DUS2: variants seen among roughly 807,000 people sequenced by gnomAD.
DUS2 encodes dihydrouridine synthase 2, also known as tRNA-dihydrouridine(20) synthase [NAD(P)+]-like.
Under a neutral mutation model 71.3 loss-of-function variants are expected in DUS2, and 52 were observed. That is an observed-to-expected ratio of 0.73 (90% CI 0.58 to 0.92). The LOEUF is 0.92. DUS2 is among the 40% of genes least tolerant of loss of function. The probability of loss-of-function intolerance (pLI) is 0.00; values close to 1 mark genes in which losing one functional copy is unlikely to be tolerated. For missense variants in DUS2, 558 were observed against 622.6 expected (o/e 0.90, Z 1.10); for synonymous variants, 204 against 227.8 (o/e 0.90, Z 0.94).
chr16:68,079,061 A>G lies in DUS2; in HGVS notation c.*75A>G. The G allele has an allele frequency of 7.6e-7, 1 of 1,308,520 alleles. No individual in the cohort carries two copies. The highest frequency in any genetic ancestry group is 1.0e-6 in the Non-Finnish European group (1 of 955,108). The allele number at this position is 1,308,520 out of a possible 1,614,324, so 81.1% of individuals were successfully genotyped here. On this transcript the variant is annotated 3_prime_UTR_variant, in exon 17 of 17. Transcript: ENST00000565263. ...CTGTGGATGCCACAGCATGAACCAG[A>G]TGCCGTTGAACAGTTTGCTGGTCTT...
intron 2 of DUS2, among the ~76,000 whole-genome samples, chr16:68,036,896 C>T (rs868047134): frequency 7.3e-5 from 11 of 151,646 alleles, no homozygotes; most frequent in Middle Eastern, 6.8e-3. Context: ...TCTCAGGGGT[C>T]TTCATTGATC....
chr16:68,075,540 C>T (rs1211517076), intron 14 of DUS2, 36 bp downstream of exon 14: 1 of 1,587,060 alleles, frequency 6.3e-7, no homozygotes, highest in African/African-American at 1.3e-5. Flanking sequence ...TGGGCTAGGG[C>T]CAGCACCCTT....
intron 14 of DUS2, among the ~76,000 whole-genome samples, chr16:68,076,256 C>G (rs545639263): frequency 6.6e-6 from 1 of 152,288 alleles, no homozygotes; most frequent in East Asian, 1.9e-4. Flanking sequence ...ATCCCCGAGA[C>G]CATTGTCTGG....
At chr16:68,046,482 G>A (rs555481461) in intron 3 of DUS2, among the ~76,000 whole-genome samples, 1 of 151,944 alleles carries the variant, frequency 6.6e-6, no homozygotes, top group East Asian at 1.9e-4. Flanking sequence ...AGGTTCAAGC[G>A]ATTCTCCTGT....
In DUS2 at chr16:68,034,926, G is replaced by A. The variant is rs538671243; in HGVS notation, c.-18-3080G>A. On this transcript the variant is annotated intron_variant, in intron 2 of 16. Coordinates refer to ENST00000565263, the MANE Select transcript of DUS2 (RefSeq NM_017803.5). Reference sequence around the variant, plus strand: ...TGAGGCAGAAGAATTGCTTGAACCCGGGAGGCAGAGGTTGCAGTGAGCCAA... The same window carrying A: ...TGAGGCAGAAGAATTGCTTGAACCCAGGAGGCAGAGGTTGCAGTGAGCCAA... Among the ~76,000 whole-genome samples the A allele has an allele frequency of 5.1e-4, 78 of 152,208 alleles. No homozygotes were observed. In the South Asian group the frequency reaches 0.012, roughly 23 times the overall value.
intron 2 of DUS2, among the ~76,000 whole-genome samples, chr16:68,029,804 C>G (rs2033411263): frequency 6.6e-6 from 1 of 151,682 alleles, no homozygotes; most frequent in Non-Finnish European, 1.5e-5. Flanking sequence ...AGTTGACTTT[C>G]CAAATTTGAA....
rs1250958448 is a variant in DUS2, at chr16:68,069,871, C to A, written c.555-263C>A. ...CTTGGGAGCCAGGCCACCCACCATG[C>A]CCCCCTGCAGCCAGGCCTCCCCTGC... On this transcript the variant is annotated intron_variant, in intron 10 of 16. Coordinates refer to ENST00000565263, the MANE Select transcript of DUS2 (RefSeq NM_017803.5). 2.0e-5 allele frequency among the ~76,000 whole-genome samples: 3 copies of A among 152,260 alleles called. No homozygotes were observed. In the East Asian group the frequency reaches 5.8e-4, roughly 29 times the overall value.
At chr16:68,030,509 C>T (rs567971778) in intron 2 of DUS2, among the ~76,000 whole-genome samples, 2 of 152,048 alleles carry the variant, frequency 1.3e-5, no homozygotes, top group African/African-American at 2.4e-5. Context: ...GAGAATTGCT[C>T]GAACCTCGGA....
intron 8 of DUS2, among the ~76,000 whole-genome samples, chr16:68,063,289 A>G (rs1018447870): frequency 4.6e-5 from 7 of 152,294 alleles, no homozygotes; most frequent in South Asian, 2.1e-4. Context: ...GCTGGATTCA[A>G]TTCGGGTCCA....
chr16:68,070,333 C>A, intron 11 of DUS2, 113 bp downstream of exon 11: 1 of 928,366 alleles, frequency 1.1e-6, no homozygotes. Flanking sequence ...TTGAAAAGGG[C>A]AGGGCTTTCC....
intron 10 of DUS2, among the ~76,000 whole-genome samples, chr16:68,069,615 C>T (rs1032067845): frequency 1.3e-5 from 2 of 152,164 alleles, no homozygotes; most frequent in African/African-American, 2.4e-5. Context: ...AGCCATGGTC[C>T]GTGCCTTTCC....
At chr16:68,040,144 GCA>G (rs2033601897) in intron 3 of DUS2, among the ~76,000 whole-genome samples, 1 of 151,722 alleles carries the variant, frequency 6.6e-6, no homozygotes, top group Non-Finnish European at 1.5e-5. Context: ...GAGTGCAGTG[GCA>G]CAGTCTTGGC....
intron 10 of DUS2, 78 bp from the exon 11 acceptor site, chr16:68,070,056 T>A: frequency 7.5e-7 from 1 of 1,330,948 alleles, no homozygotes; most frequent in South Asian, 1.2e-5. Context: ...GACAGTAAGG[T>A]TTGGCTGAGG....
chr16:68,042,380 C>T (rs548727152), intron 3 of DUS2, among the ~76,000 whole-genome samples: 21 of 152,232 alleles, frequency 1.4e-4, no homozygotes, highest in African/African-American at 4.8e-4. Flanking sequence ...ATTATATATC[C>T]GGAAGTGGGA....
At position 68,078,526 on chromosome 16, in the gene DUS2, T is replaced by A; in HGVS notation, c.1244+8T>A. 6.2e-7 allele frequency: 1 copy of A among 1,613,536 alleles called. No homozygotes were observed. Among genetic ancestry groups the A allele is most frequent in the Non-Finnish European group, 8.5e-7 (1 of 1,179,680 alleles). ...GTATCAGTCTACCTTGTGGTAAGTT[T>A]CCTTATCATAGGAGAGGAGGCTTGG... On this transcript the variant is annotated splice_region_variant and intron_variant, in intron 16 of 16. Transcript: ENST00000565263.
chr16:68,034,127 A>G (rs1046816812), intron 2 of DUS2, among the ~76,000 whole-genome samples: 1 of 152,004 alleles, frequency 6.6e-6, no homozygotes, highest in Non-Finnish European at 1.5e-5. Flanking sequence ...GTGCAGTGGT[A>G]TGATATCAGC....
rs145844992 is a variant in DUS2, at chr16:68,071,049, A to G, written c.751A>G (p.Ile251Val). Residue 251 changes from isoleucine to valine, a missense_variant, in exon 12 of 17, where the codon ATC becomes GTC. Ile to Val is a conservative substitution (Grantham distance 29). Transcript: ENST00000565263. ...VARAAMWNPS[I>V]FLKEGLRPLE... ...CCGAGCAGCCATGTGGAACCCATCT[A>G]TCTTCCTCAAGGAGGGTCTGCGGCC... 38 of 1,614,082 alleles carry G rather than the reference A, an allele frequency of 2.4e-5. 1 individual carries two copies. Among genetic ancestry groups the G allele is most frequent in the South Asian group, 4.4e-5 (4 of 91,092 alleles).
chr16:68,059,040 C>G (rs1022672188), intron 7 of DUS2, among the ~76,000 whole-genome samples: 1 of 152,052 alleles, frequency 6.6e-6, no homozygotes, highest in Admixed American at 6.6e-5. Flanking sequence ...AATGAAACCG[C>G]ATGTCTACCA....
chr16:68,046,975 C>A (rs915841392), intron 3 of DUS2, among the ~76,000 whole-genome samples: 12 of 151,046 alleles, frequency 7.9e-5, no homozygotes, highest in African/African-American at 2.4e-4. Flanking sequence ...TGGTCTTGAT[C>A]TCCTGACCTC....
Sources: gnomAD v4.1 joint callset for allele counts (sites outside exome capture counted in the v4.1 genomes callset) on GRCh38, gnomAD v4.1.1 for gene constraint, MANE v1.5 for transcripts, NCBI Gene and HGNC (gene_info 2026-07-23, HGNC 2026-07-21) for gene names.